FBXO46: variants seen among roughly 807,000 people sequenced by gnomAD.
FBXO46 encodes F-box protein 46.
A neutral mutation model predicts 30.7 loss-of-function variants in FBXO46; 13 were observed. The observed-to-expected ratio is 0.42, with a 90% CI of 0.28 to 0.67. FBXO46 has a LOEUF of 0.67. Ranked by LOEUF, FBXO46 falls within the 30% of genes least tolerant of loss-of-function variation. The probability of loss-of-function intolerance (pLI) is 0.21; values close to 1 mark genes in which losing one functional copy is unlikely to be tolerated. For synonymous variants in FBXO46, 467 were observed against 385.8 expected (o/e 1.21, Z -2.47); for missense variants, 754 against 871.5 (o/e 0.87, Z 1.70).
chr19:45,728,622 G>A (rs1968269436), intron 1 of FBXO46, among the ~76,000 whole-genome samples: 1 of 152,036 alleles, frequency 6.6e-6, no homozygotes, highest in Non-Finnish European at 1.5e-5. Flanking sequence ...GACCCCTTAA[G>A]CCTAGGAATT....
Position 45,712,589 on chromosome 19 carries a change from T to C in FBXO46, c.907A>G (p.Lys303Glu). The change falls in exon 2 of 2, where the codon AAG becomes GAG. Residue 303 changes from lysine (K) to glutamate (E), a missense_variant. Lys to Glu is a moderately conservative substitution (Grantham distance 56). Coordinates refer to ENST00000317683, the MANE Select transcript of FBXO46 (RefSeq NM_001080469.2). This position sits in a 1 kb window ranked among gnomAD's most constrained non-coding sequence, Gnocchi z 8.8. ...SPGPGARAKD[K>E]ITCDLYQLIS... Reference sequence around the variant, plus strand: ...AGCTGGTATAAGTCACATGTGATCTTGTCCTTGGCTCGGGCCCCAGGACCT... The same window carrying C: ...AGCTGGTATAAGTCACATGTGATCTCGTCCTTGGCTCGGGCCCCAGGACCT... 6.3e-7 allele frequency: 1 copy of C among 1,591,642 alleles called. No homozygotes were observed. Among genetic ancestry groups the C allele is most frequent in the Non-Finnish European group, 8.6e-7 (1 of 1,168,382 alleles).
chr19:45,714,036 G>A (rs1850680191), intron 1 of FBXO46, among the ~76,000 whole-genome samples: 1 of 150,072 alleles, frequency 6.7e-6, no homozygotes, highest in South Asian at 2.1e-4. Context: ...GACAGAGGTT[G>A]CAGAGGGGAT....
At chr19:45,727,522 G>A (rs927699993) in intron 1 of FBXO46, among the ~76,000 whole-genome samples, 3 of 151,532 alleles carry the variant, frequency 2.0e-5, no homozygotes, top group African/African-American at 7.3e-5. Flanking sequence ...TCACACCACT[G>A]GCCTCCAGCC....
upstream of FBXO46, among the ~76,000 whole-genome samples, chr19:45,732,545 A>AAG (rs1283889351): frequency 6.7e-6 from 1 of 149,160 alleles, no homozygotes; most frequent in Non-Finnish European, 1.5e-5. Context: ...AAAAAAAAAA[A>AAG]AAAAAAGCCC....
rs1263561200 is a variant in FBXO46, at chr19:45,711,999, G to A, written c.1497C>T (p.Thr499=). The A allele has an allele frequency of 6.2e-7, 1 of 1,612,740 alleles. No homozygotes were observed. Among genetic ancestry groups the A allele is most frequent in the Non-Finnish European group, 8.5e-7 (1 of 1,179,680 alleles). Residue 499 remains threonine (T), a synonymous_variant, in exon 2 of 2, where the codon ACC becomes ACT. Transcript: ENST00000317683. The stretch of plus-strand genomic sequence containing the variant: ...CGATGATGCCCTTGAAGTGGTGGCA[G>A]GTGCACTTGAGGGCGGCCAGCGCGC... ...PTRALAALKC[T]CHHFKGIIEA... is the part of the protein sequence containing the mutation.
intron 1 of FBXO46, among the ~76,000 whole-genome samples, chr19:45,728,974 G>A (rs1340516200): frequency 6.6e-6 from 1 of 151,814 alleles, no homozygotes; most frequent in Non-Finnish European, 1.5e-5. Context: ...AACCAGACGT[G>A]GTGGCGCATG....
intron 1 of FBXO46, among the ~76,000 whole-genome samples, chr19:45,721,000 C>CAAAA (rs11326838): frequency 9.3e-6 from 1 of 107,642 alleles, no homozygotes; most frequent in Non-Finnish European, 1.9e-5. Flanking sequence ...GACTCTCAGC[C>CAAAA]AAAAAAAAAA....
intron 1 of FBXO46, among the ~76,000 whole-genome samples, chr19:45,718,196 T>C (rs560169707): frequency 6.6e-6 from 1 of 152,076 alleles, no homozygotes; most frequent in Non-Finnish European, 1.5e-5. Context: ...CTGGCATACA[T>C]AGAATACTCA....
chr19:45,730,198 G>T (rs1968290801), intron 1 of FBXO46, among the ~76,000 whole-genome samples: 1 of 151,968 alleles, frequency 6.6e-6, no homozygotes, highest in African/African-American at 2.4e-5. Context: ...GGGAAGTGAG[G>T]GTGCGAAAGC....
At chr19:45,724,214 G>A (rs1277323905) in intron 1 of FBXO46, among the ~76,000 whole-genome samples, 2 of 152,144 alleles carry the variant, frequency 1.3e-5, no homozygotes, top group Non-Finnish European at 2.9e-5. Flanking sequence ...GGCCAGATGT[G>A]ACACATAGGA....
At chr19:45,732,532 CA>C (rs36071960), upstream of FBXO46, among the ~76,000 whole-genome samples, 1,575 of 65,662 alleles carry the variant, frequency 0.024, 6 homozygotes, top group African/African-American at 0.047. Context: ...TCGTCTCTAC[CA>C]AAAAAAAAAA....
rs759847351 is a variant in FBXO46, at chr19:45,712,227, G to C, written c.1269C>G (p.Pro423=). 1.9e-6 allele frequency: 3 copies of C among 1,605,286 alleles called. No individual in the cohort carries two copies. The highest frequency in any genetic ancestry group is 2.5e-6 in the Non-Finnish European group (3 of 1,177,936). The part of the protein sequence containing the change: ...NRGPDGPPEP[P]PADSPATAPG... ...GCGCAGTGGCCGGGGAGTCGGCCGG[G>C]GGTGGCTCCGGGGGCCCGTCCGGCC... Residue 423 remains proline, a synonymous_variant, in exon 2 of 2, where the codon CCC becomes CCG. Transcript: ENST00000317683. The surrounding 1 kb of genome is among the most constrained non-coding windows in gnomAD (Gnocchi z 8.8).
chr19:45,719,716 G>A (rs748496473), intron 1 of FBXO46, among the ~76,000 whole-genome samples: 14 of 152,168 alleles, frequency 9.2e-5, no homozygotes, highest in Non-Finnish European at 2.1e-4. Context: ...CCTGCATGCT[G>A]GCCATTGTTG....
At chr19:45,721,949 G>C (rs1399558691) in intron 1 of FBXO46, among the ~76,000 whole-genome samples, 1 of 151,950 alleles carries the variant, frequency 6.6e-6, no homozygotes. Context: ...TCAGCCTCCT[G>C]AGTAGCTGGG....
intron 1 of FBXO46, among the ~76,000 whole-genome samples, chr19:45,717,720 A>G (rs1968116876): frequency 6.8e-6 from 1 of 146,932 alleles, no homozygotes; most frequent in South Asian, 2.1e-4. Flanking sequence ...GATTAAGAAC[A>G]CCAAGGCGGA....
rs529300980 is a variant in FBXO46 at position 45,712,848 on chromosome 19, T to C, written c.648A>G (p.Glu216=). The C allele has an allele frequency of 2.5e-6, 4 of 1,613,162 alleles. No homozygotes were observed. The highest frequency in any genetic ancestry group is 1.1e-5 in the South Asian group (1 of 91,030). The change falls in exon 2 of 2, where the codon GAA becomes GAG. Residue 216 remains glutamate, a synonymous_variant. Coordinates refer to ENST00000317683, the MANE Select transcript of FBXO46 (RefSeq NM_001080469.2). This position sits in a 1 kb window ranked among gnomAD's most constrained non-coding sequence, Gnocchi z 8.8. ...TGCAGTCCCCACCACCGGACCGCCG[T>C]TCAGATCCCACCCCCTTGGCCGGTC... ...QGGPAKGVGS[E]RRSGGGDCSR... is the part of the protein sequence containing the mutation.
At chr19:45,718,626 T>C (rs1460897738) in intron 1 of FBXO46, among the ~76,000 whole-genome samples, 1 of 152,004 alleles carries the variant, frequency 6.6e-6, no homozygotes, top group Non-Finnish European at 1.5e-5. Context: ...TGCAGTTTTA[T>C]TAGAGAGGCC....
At chr19:45,715,776 A>G (rs1343592431) in intron 1 of FBXO46, 1 of 139,246 alleles carries the variant, frequency 7.2e-6, no homozygotes, top group Non-Finnish European at 1.5e-5. Flanking sequence ...ACTGCACTCC[A>G]GCCTGGGCGA....
chr19:45,712,323 C>G lies in FBXO46; in HGVS notation c.1173G>C (p.Glu391Asp). 1 of 1,601,686 alleles carries G rather than the reference C, an allele frequency of 6.2e-7. No homozygotes were observed. The highest frequency in any genetic ancestry group is 1.1e-5 in the South Asian group (1 of 91,088). ...CCGGGCTGACCGTCAGGCACACAGT[C>G]TCCTCCTTCACGTTCTTGGTGCCGT... ...GKDGTKNVKE[E>D]TVCLTVSPEE... The change falls in exon 2 of 2, where the codon GAG becomes GAC. Residue 391 changes from glutamate to aspartate, a missense_variant. Glu to Asp is a conservative substitution (Grantham distance 45). Coordinates refer to ENST00000317683, the MANE Select transcript of FBXO46 (RefSeq NM_001080469.2). The surrounding 1 kb of genome is among the most constrained non-coding windows in gnomAD (Gnocchi z 8.8).
Sources: gnomAD v4.1 joint callset for allele counts (sites outside exome capture counted in the v4.1 genomes callset) on GRCh38, gnomAD v4.1.1 for gene constraint, Gnocchi (gnomAD v3.1) non-coding constraint, MANE v1.5 for transcripts, NCBI Gene and HGNC (gene_info 2026-07-23, HGNC 2026-07-21) for gene names.